The following CADM1 variants were observed in gnomAD, a reference collection of about 807,000 sequenced individuals.
CADM1 encodes cell adhesion molecule 1.
Under a neutral mutation model 53.1 loss-of-function variants are expected in CADM1, and 15 were observed. The ratio of observed to expected loss-of-function variants is 0.28; its 90% confidence interval spans 0.19 to 0.44. The LOEUF (loss-of-function observed/expected upper bound fraction) is 0.44, where lower values mean the gene tolerates loss of function less well. CADM1 is among the 20% of genes least tolerant of loss of function. CADM1 has a pLI of 1.00. For missense variants in CADM1, 434 were observed against 611.3 expected (o/e 0.71, Z 3.06); for synonymous variants, 281 against 243.0 (o/e 1.16, Z -1.45).
chr11:115,261,906 A>C (rs1422201073), intron 1 of CADM1, among the ~76,000 whole-genome samples: 1 of 151,842 alleles, frequency 6.6e-6, no homozygotes, highest in African/African-American at 2.4e-5. Flanking sequence ...CAGCCTCCTG[A>C]GTAGCTGGGA....
At chr11:115,241,657 A>G (rs904365242) in intron 1 of CADM1, among the ~76,000 whole-genome samples, 2 of 152,208 alleles carry the variant, frequency 1.3e-5, no homozygotes, top group African/African-American at 4.8e-5. Flanking sequence ...AAGTGAATAA[A>G]TGGCAGCTGC....
intron 1 of CADM1, among the ~76,000 whole-genome samples, chr11:115,444,439 A>T (rs1056751806): frequency 2.0e-5 from 3 of 152,190 alleles, no homozygotes; most frequent in African/African-American, 7.2e-5. Context: ...TCCATTTGTC[A>T]TGATGAAAGC....
At chr11:115,347,079 C>G (rs1198126419) in intron 1 of CADM1, among the ~76,000 whole-genome samples, 1 of 152,090 alleles carries the variant, frequency 6.6e-6, no homozygotes, top group Non-Finnish European at 1.5e-5. Flanking sequence ...GATGCGGGTA[C>G]AAGTGAATAA....
intron 1 of CADM1, among the ~76,000 whole-genome samples, chr11:115,271,889 G>C (rs950207930): frequency 6.6e-6 from 1 of 152,144 alleles, no homozygotes; most frequent in Admixed American, 6.5e-5. Context: ...TCTTTAATTA[G>C]TCTCAATAGA....
chr11:115,250,557 A>G (rs1376656661), intron 1 of CADM1, among the ~76,000 whole-genome samples: 1 of 152,226 alleles, frequency 6.6e-6, no homozygotes, highest in South Asian at 2.1e-4. Context: ...TAGAGGCAAG[A>G]AAAACAAATT....
intron 1 of CADM1, among the ~76,000 whole-genome samples, chr11:115,276,296 C>A (rs1943441858): frequency 6.6e-6 from 1 of 152,142 alleles, no homozygotes; most frequent in Non-Finnish European, 1.5e-5. Flanking sequence ...CCCAGTAACA[C>A]CTATAAATCG....
intron 1 of CADM1, among the ~76,000 whole-genome samples, chr11:115,451,734 G>C (rs1287230080): frequency 1.3e-5 from 2 of 152,104 alleles, no homozygotes; most frequent in South Asian, 2.1e-4. Context: ...AGTTTTCCTT[G>C]CTAATTTAGG....
At chr11:115,239,377 T>G (rs1942135577) in intron 2 of CADM1, among the ~76,000 whole-genome samples, 1 of 152,188 alleles carries the variant, frequency 6.6e-6, no homozygotes, top group Admixed American at 6.5e-5. Flanking sequence ...ACATTTGGCT[T>G]CACAGTATGA....
At chr11:115,236,917 T>C (rs1777367392) in intron 3 of CADM1, among the ~76,000 whole-genome samples, 1 of 152,190 alleles carries the variant, frequency 6.6e-6, no homozygotes, top group South Asian at 2.1e-4. Context: ...TCTGTTATTA[T>C]CATTTTACTT....
At chr11:115,381,012 G>T (rs1260692978) in intron 1 of CADM1, among the ~76,000 whole-genome samples, 1 of 152,020 alleles carries the variant, frequency 6.6e-6, no homozygotes, top group East Asian at 1.9e-4. Flanking sequence ...AAAATAAGGT[G>T]GTAACAGGCC....
chr11:115,476,177 T>C (rs1949126615), intron 1 of CADM1, among the ~76,000 whole-genome samples: 1 of 152,106 alleles, frequency 6.6e-6, no homozygotes, highest in South Asian at 2.1e-4. Context: ...TGGCACAGAG[T>C]TGGCTTCTAC....
Position 115,170,687 on chromosome 11 carries a change from T to C in CADM1, c.*5787A>G, listed in dbSNP as rs1938762729. The C allele has an allele frequency of 6.6e-6, 1 of 152,172 alleles. No homozygotes were observed. The highest frequency in any genetic ancestry group is 1.5e-5 in the Non-Finnish European group (1 of 68,068). The allele number at this position is 152,172 out of a possible 1,614,324, so 9.4% of individuals were successfully genotyped here. On this transcript the variant is annotated 3_prime_UTR_variant, in exon 12 of 12. Transcript: ENST00000331581. ...ATAAACACAGATAAGGCAAGGACTA[T>C]AGTTTGCATTTTTAAAAGAGGCCAT...
At position 115,229,237 on chromosome 11, in the gene CADM1, G is replaced by A. The variant is rs764021385; in HGVS notation, c.597C>T (p.Tyr199=). 3.7e-6 allele frequency: 6 copies of A among 1,614,092 alleles called. No homozygotes were observed. The highest frequency in any genetic ancestry group is 5.1e-6 in the Non-Finnish European group (6 of 1,179,992). ...KSEVEEWSDM[Y]TVTSQLMLKV... is the part of the protein sequence containing the mutation. The stretch of plus-strand genomic sequence containing the variant: ...TCAGCATCAGCTGACTGGTCACAGT[G>A]TACATGTCTGACCACTCTTCCACCT... Residue 199 remains tyrosine (Y), a synonymous_variant, in exon 5 of 12, where the codon TAC becomes TAT. Coordinates refer to ENST00000331581, the MANE Select transcript of CADM1 (RefSeq NM_001301043.2).
intron 1 of CADM1, among the ~76,000 whole-genome samples, chr11:115,311,728 C>T (rs970196): frequency 6.6e-6 from 1 of 152,088 alleles, no homozygotes; most frequent in Non-Finnish European, 1.5e-5. Context: ...TCAGAGACAC[C>T]TCAGTGAGGA....
intron 1 of CADM1, among the ~76,000 whole-genome samples, chr11:115,415,646 G>A (rs184545050): frequency 6.6e-6 from 1 of 151,886 alleles, no homozygotes; most frequent in African/African-American, 2.4e-5. Flanking sequence ...AGACCAGCCT[G>A]GCCAACATGC....
chr11:115,209,223 GA>G (rs1478331836), intron 8 of CADM1, among the ~76,000 whole-genome samples: 1 of 152,218 alleles, frequency 6.6e-6, no homozygotes, highest in African/African-American at 2.4e-5. Context: ...AGACAAGATT[GA>G]AAGCCACAGT....
At chr11:115,472,638 G>A (rs1444651088) in intron 1 of CADM1, among the ~76,000 whole-genome samples, 1 of 152,176 alleles carries the variant, frequency 6.6e-6, no homozygotes, top group East Asian at 1.9e-4. Flanking sequence ...GTGTCACTCT[G>A]TAACCTCTTA....
intron 1 of CADM1, among the ~76,000 whole-genome samples, chr11:115,467,710 G>A (rs1315735646): frequency 6.6e-6 from 1 of 152,148 alleles, no homozygotes; most frequent in Non-Finnish European, 1.5e-5. Context: ...TTGTCTCAAA[G>A]GAGAAAAGAA....
intron 1 of CADM1, among the ~76,000 whole-genome samples, chr11:115,374,238 T>C (rs977609260): frequency 6.6e-6 from 1 of 151,826 alleles, no homozygotes; most frequent in African/African-American, 2.4e-5. Flanking sequence ...AATAAAAGAG[T>C]CTTCCACTAG....
Sources: allele counts gnomAD v4.1 joint callset (sites outside exome capture counted in the v4.1 genomes callset), GRCh38; gene constraint gnomAD v4.1.1; transcripts MANE v1.5; gene names NCBI Gene and HGNC (gene_info 2026-07-23, HGNC 2026-07-21).